Variants in ANKS1B observed in about 807,000 individuals in gnomAD.
The protein encoded by ANKS1B is ankyrin repeat and sterile alpha motif domain-containing protein 1B.
In ANKS1B, 36 loss-of-function variants were observed where a neutral mutation model predicts 148.3. That is an observed-to-expected ratio of 0.24 (90% confidence interval 0.19 to 0.32). ANKS1B has a LOEUF of 0.32. Among genes scored for constraint, ANKS1B ranks in the 10% least tolerant of loss-of-function variants. The pLI, the probability that ANKS1B is intolerant of heterozygous loss-of-function variation, is 1.00. For missense variants in ANKS1B, 1,157 were observed against 1,542.6 expected (o/e 0.75, Z 4.19); for synonymous variants, 542 against 560.8 (o/e 0.97, Z 0.47).
At chr12:99,467,844 C>T (rs189470915) in intron 10 of ANKS1B, among the ~76,000 whole-genome samples, 2,218 of 152,222 alleles carry the variant, frequency 0.015, 40 homozygotes, top group African/African-American at 0.05. Context: ...GAATCAATAT[C>T]GTGAAAATGG....
chr12:99,899,169 A>G lies in ANKS1B; in HGVS notation c.135-73780T>C, dbSNP rs547174404. Among the ~76,000 whole-genome samples, 6 of 152,306 alleles carry G rather than the reference A, an allele frequency of 3.9e-5. No homozygotes were observed. The South Asian group carries it at 1.0e-3, about 26-fold the overall frequency. On this transcript the variant is annotated intron_variant, in intron 1 of 26. Coordinates refer to ENST00000683438, the MANE Select transcript of ANKS1B (RefSeq NM_001352186.2). ...AGCAGCCCTAGGAGGGAAGTACTAT[A>G]TTTATCTTAATTTTAAGCTGAAGCA...
chr12:99,630,407 T>C (rs1045876936), intron 9 of ANKS1B, among the ~76,000 whole-genome samples: 12 of 152,078 alleles, frequency 7.9e-5, no homozygotes, highest in African/African-American at 2.9e-4. Flanking sequence ...CATCTAAAGA[T>C]GTGAACAATA....
intron 17 of ANKS1B, among the ~76,000 whole-genome samples, chr12:99,047,264 G>C (rs1298532671): frequency 2.6e-5 from 4 of 152,116 alleles, no homozygotes; most frequent in African/African-American, 9.7e-5. Context: ...GCCAGATGTG[G>C]TGTCGCATGC....
intron 17 of ANKS1B, among the ~76,000 whole-genome samples, chr12:98,860,094 C>A (rs1257441499): frequency 1.3e-5 from 2 of 152,202 alleles, no homozygotes; most frequent in South Asian, 2.1e-4. Flanking sequence ...GAGATGATTT[C>A]AAAAAACCTG....
chr12:99,008,149 C>T lies in ANKS1B; in HGVS notation c.2778+45008G>A, dbSNP rs1224509655. On this transcript the variant is annotated intron_variant, in intron 17 of 26. Coordinates refer to ENST00000683438, the MANE Select transcript of ANKS1B (RefSeq NM_001352186.2). ...GTAATAAGATACTTAGCACCTGTTT[C>T]CCCTCGAGCTTTGGGCCTAGGTATC... is the stretch of plus-strand genomic sequence containing the variant. 2.6e-5 allele frequency among the ~76,000 whole-genome samples: 4 copies of T among 152,128 alleles called. No homozygotes were observed. In the East Asian group the frequency reaches 7.7e-4, roughly 29 times the overall value.
chr12:99,177,421 T>A (rs1413898581), intron 14 of ANKS1B, among the ~76,000 whole-genome samples: 1 of 152,204 alleles, frequency 6.6e-6, no homozygotes, highest in Non-Finnish European at 1.5e-5. Flanking sequence ...GCAGTTGTTA[T>A]TCAGTACAGC....
At chr12:99,276,003 A>C (rs1029587308) in intron 12 of ANKS1B, among the ~76,000 whole-genome samples, 1 of 152,212 alleles carries the variant, frequency 6.6e-6, no homozygotes, top group Non-Finnish European at 1.5e-5. Flanking sequence ...AGAATGCCAG[A>C]AGTAGTAAAT....
intron 17 of ANKS1B, among the ~76,000 whole-genome samples, chr12:98,846,979 A>G (rs2099479992): frequency 6.6e-6 from 1 of 152,232 alleles, no homozygotes; most frequent in Non-Finnish European, 1.5e-5. Context: ...TACGTATTTA[A>G]TGCATACAAC....
chr12:98,967,631 A>AGAGGGGAGGGGAGGGAAGAG (rs2099879412), intron 17 of ANKS1B, among the ~76,000 whole-genome samples: 2 of 76,748 alleles, frequency 2.6e-5, no homozygotes, highest in Non-Finnish European at 4.4e-5. Context: ...AGAGGGTAGA[A>AGAGGGGAGGGGAGGGAAGAG]GAGGGGAGGG....
intron 12 of ANKS1B, among the ~76,000 whole-genome samples, chr12:99,253,564 T>TTAGA (rs2074905924): frequency 6.6e-6 from 1 of 152,140 alleles, no homozygotes; most frequent in African/African-American, 2.4e-5. Context: ...AAAAAAGGAT[T>TTAGA]TAGATAGAGG....
At chr12:99,420,951 T>C (rs1039785582) in intron 11 of ANKS1B, among the ~76,000 whole-genome samples, 1 of 152,172 alleles carries the variant, frequency 6.6e-6, no homozygotes, top group Non-Finnish European at 1.5e-5. Flanking sequence ...GGAGACAAAA[T>C]AGGATTTGCA....
At chr12:99,893,410 C>CAA (rs57828427) in intron 1 of ANKS1B, among the ~76,000 whole-genome samples, 23 of 102,334 alleles carry the variant, frequency 2.2e-4, no homozygotes, top group Non-Finnish European at 4.0e-4. Context: ...GACTCCATCT[C>CAA]AAAAAAAAAA....
At chr12:99,354,279 C>T (rs561359934) in intron 12 of ANKS1B, among the ~76,000 whole-genome samples, 55 of 152,084 alleles carry the variant, frequency 3.6e-4, no homozygotes, top group African/African-American at 1.2e-3. Flanking sequence ...ATACTAATTC[C>T]TGGGTTCTAC....
At chr12:99,521,501 G>A (rs372238909) in intron 9 of ANKS1B, among the ~76,000 whole-genome samples, 5 of 152,150 alleles carry the variant, frequency 3.3e-5, no homozygotes, top group Admixed American at 1.3e-4. Context: ...TGTAGTCTTC[G>A]CAGTACAGGC....
At chr12:99,629,783 T>C in intron 9 of ANKS1B, among the ~76,000 whole-genome samples, 1 of 152,098 alleles carries the variant, frequency 6.6e-6, no homozygotes, top group East Asian at 1.9e-4. Context: ...ACTGAGAGCC[T>C]ACTATAGTTC....
intron 12 of ANKS1B, among the ~76,000 whole-genome samples, chr12:99,382,517 G>C (rs2093680769): frequency 6.6e-6 from 1 of 151,880 alleles, no homozygotes; most frequent in African/African-American, 2.4e-5. Context: ...AGTCAACATG[G>C]CAAAACCCTG....
chr12:98,768,391 T>C (rs2098513483), intron 25 of ANKS1B, among the ~76,000 whole-genome samples: 1 of 144,192 alleles, frequency 6.9e-6, no homozygotes, highest in Non-Finnish European at 1.5e-5. Flanking sequence ...TTCCAAAATG[T>C]GTTCTGCAGA....
At chr12:99,272,625 T>TA (rs1157285593) in intron 12 of ANKS1B, among the ~76,000 whole-genome samples, 1 of 152,188 alleles carries the variant, frequency 6.6e-6, no homozygotes, top group Non-Finnish European at 1.5e-5. Context: ...ATATATCCAT[T>TA]AAAAATGTTA....
intron 17 of ANKS1B, among the ~76,000 whole-genome samples, chr12:98,896,950 T>C (rs2099765535): frequency 6.6e-6 from 1 of 152,196 alleles, no homozygotes; most frequent in Non-Finnish European, 1.5e-5. Flanking sequence ...TATTGGGCAA[T>C]CTCAAAGAGC....
Sources: allele counts gnomAD v4.1 joint callset (sites outside exome capture counted in the v4.1 genomes callset), GRCh38; gene constraint gnomAD v4.1.1; transcripts MANE v1.5; gene names NCBI Gene and HGNC (gene_info 2026-07-23, HGNC 2026-07-21).